The following ASPH variants were observed in gnomAD, a reference collection of about 807,000 sequenced individuals.
ASPH encodes the protein aspartate beta-hydroxylase.
In ASPH, 100 loss-of-function variants were observed where a neutral mutation model predicts 118.4. The observed-to-expected ratio is 0.84, with a 90% CI of 0.72 to 1.00. The LOEUF is 1.00. Ranked by LOEUF, ASPH falls within the 50% of genes least tolerant of loss-of-function variation. ASPH has a pLI of 0.00. For missense variants in ASPH, 920 were observed against 919.5 expected, an observed-to-expected ratio of 1.00 and a Z score of -0.01; for synonymous variants, 315 against 325.6, an observed-to-expected ratio of 0.97 and a Z score of 0.35.
chr8:61,702,224 C>T (rs1296445029), intron 1 of ASPH, among the ~76,000 whole-genome samples: 1 of 151,866 alleles, frequency 6.6e-6, no homozygotes, highest in East Asian at 1.9e-4. Context: ...ACACCTCACC[C>T]AGTGTTGGGG....
chr8:61,672,487 C>T (rs189940447), intron 3 of ASPH, among the ~76,000 whole-genome samples: 2 of 151,690 alleles, frequency 1.3e-5, no homozygotes, highest in East Asian at 1.9e-4. Flanking sequence ...AAAAATATGT[C>T]CAATAATTTT....
In ASPH at chr8:61,548,101, T is replaced by TG. The variant is rs773250033; in HGVS notation, c.1733dup (p.Glu580ArgfsTer21). On this transcript the variant is annotated frameshift_variant, in exon 21 of 25. Transcript: ENST00000379454. LOFTEE classifies it high-confidence loss of function. ...CTAACTCTGTGTAGCCCGTTTCTTT[T>TG]GGGGTCCACCAAGGCTGTGCTTTCA... 6.2e-7 allele frequency: 1 copy of TG among 1,613,950 alleles called. No individual in the cohort carries two copies. Among genetic ancestry groups the TG allele is most frequent in the Non-Finnish European group, 8.5e-7 (1 of 1,179,864 alleles).
At chr8:61,695,604 G>A (rs1050101724) in intron 1 of ASPH, among the ~76,000 whole-genome samples, 1 of 152,154 alleles carries the variant, frequency 6.6e-6, no homozygotes, top group Non-Finnish European at 1.5e-5. Context: ...TCTCACAGCA[G>A]TGTGCACCTC....
intron 3 of ASPH, among the ~76,000 whole-genome samples, chr8:61,673,647 GGAAAAGACTTATATTAT>G (rs1823749787): frequency 6.6e-6 from 1 of 152,070 alleles, no homozygotes; most frequent in East Asian, 1.9e-4. Flanking sequence ...ACATGAGGTA[GGAAAAGACTTATATTAT>G]GAAACAAAGT....
At chr8:61,526,256 G>T in intron 21 of ASPH, 144 bp from the exon 22 acceptor site, 3 of 1,161,854 alleles carry the variant, frequency 2.6e-6, no homozygotes, top group Non-Finnish European at 3.5e-6. Context: ...ATTTCCTCTG[G>T]GACTTCTTGT....
intron 24 of ASPH, among the ~76,000 whole-genome samples, chr8:61,513,941 T>G (rs966172854): frequency 2.6e-5 from 4 of 152,156 alleles, no homozygotes; most frequent in African/African-American, 9.7e-5. Flanking sequence ...GGGTGGGGAA[T>G]GCACCTACAA....
intron 18 of ASPH, among the ~76,000 whole-genome samples, chr8:61,561,146 GTTA>G (rs1829837078): frequency 5.1e-5 from 7 of 137,158 alleles, no homozygotes; most frequent in South Asian, 2.2e-4. Context: ...GAGGAAGGAA[GTTA>G]GGAATTCTAC....
chr8:61,552,943 AT>A (rs1243194489), intron 20 of ASPH, 87 bp downstream of exon 20: 9 of 1,148,826 alleles, frequency 7.8e-6, no homozygotes, highest in Non-Finnish European at 1.3e-6. Flanking sequence ...CACTCAAAAT[AT>A]TTTTTGAATT....
chr8:61,558,535 C>T (rs1441621688), intron 18 of ASPH, among the ~76,000 whole-genome samples: 1 of 152,126 alleles, frequency 6.6e-6, no homozygotes, highest in African/African-American at 2.4e-5. Context: ...ATCTGTCTCT[C>T]AAATAGTGTG....
chr8:61,501,858 G>T lies in ASPH; in HGVS notation c.*1501C>A, dbSNP rs1369161028. ...AGAGCTGTTCTTTAAATGAGATAAA[G>T]AAAGTCTCCTTTTGTTTTTAGATGG... On this transcript the variant is annotated 3_prime_UTR_variant, in exon 25 of 25. Transcript: ENST00000379454. 6.6e-6 allele frequency: 1 copy of T among 152,064 alleles called. No homozygotes were observed. The highest frequency in any genetic ancestry group is 1.5e-5 in the Non-Finnish European group (1 of 67,990). The allele number at this position is 152,064 out of a possible 1,614,324, so 9.4% of individuals were successfully genotyped here.
chr8:61,576,712 C>T, intron 16 of ASPH, 60 bp downstream of exon 16: 1 of 1,455,148 alleles, frequency 6.9e-7, no homozygotes, highest in Non-Finnish European at 9.4e-7. Context: ...GTAAAAAATT[C>T]AATCACACAA....
intron 15 of ASPH, chr8:61,583,547 AAAAAAAAAAAAAATTCTCAT>A: frequency 6.2e-6 from 1 of 160,376 alleles, no homozygotes; most frequent in South Asian, 1.8e-4. Context: ...TGTCCAAAAA[AAAAAAAAAAAAAATTCTCAT>A]TTGATCTTTA....
chr8:61,522,568 G>T (rs879445555), intron 22 of ASPH, among the ~76,000 whole-genome samples: 3 of 152,064 alleles, frequency 2.0e-5, no homozygotes, highest in Non-Finnish European at 4.4e-5. Context: ...TGAATCATGG[G>T]GGTGGTTTTC....
intron 3 of ASPH, among the ~76,000 whole-genome samples, chr8:61,667,089 A>G (rs566779280): frequency 5.9e-5 from 9 of 152,300 alleles, no homozygotes; most frequent in Non-Finnish European, 8.8e-5. Flanking sequence ...TAAAATATAA[A>G]TCACAAAACC....
intron 18 of ASPH, among the ~76,000 whole-genome samples, chr8:61,557,450 C>T (rs529981333): frequency 7.9e-5 from 12 of 152,240 alleles, no homozygotes; most frequent in South Asian, 4.2e-4. Flanking sequence ...CAGACTCTTC[C>T]GCCAGACATC....
Position 61,684,141 on chromosome 8 carries a change from C to T in ASPH, c.151G>A (p.Gly51Arg). The T allele has an allele frequency of 6.2e-7, 1 of 1,613,620 alleles. No individual in the cohort carries two copies. The highest frequency in any genetic ancestry group is 8.5e-7 in the Non-Finnish European group (1 of 1,179,686). The change falls in exon 2 of 25, where the codon GGA (glycine) becomes AGA (arginine). Residue 51 changes from glycine to arginine, a missense_variant. Gly to Arg is a moderately radical substitution (Grantham distance 125). Coordinates refer to ENST00000379454, the MANE Select transcript of ASPH (RefSeq NM_004318.4). ...HKNGRKGGLSGTSFFTWFMVI... is the reference protein window; with the variant it reads ...HKNGRKGGLSRTSFFTWFMVI... ...ATAAACCACGTGAAGAATGAAGTTC[C>T]TGAGAGTCCGCCTTTCCTCCCATTC...
intron 14 of ASPH, among the ~76,000 whole-genome samples, chr8:61,598,330 C>G (rs751824743): frequency 2.6e-5 from 4 of 151,958 alleles, no homozygotes; most frequent in Non-Finnish European, 5.9e-5. Context: ...CAGGCAAATA[C>G]AAACCAAAAG....
chr8:61,615,683 G>C (rs1848777590), intron 14 of ASPH, among the ~76,000 whole-genome samples: 1 of 152,166 alleles, frequency 6.6e-6, no homozygotes, highest in African/African-American at 2.4e-5. Flanking sequence ...GAATATGTGG[G>C]AAAAGATGAC....
At chr8:61,679,054 C>G (rs917103584) in intron 3 of ASPH, among the ~76,000 whole-genome samples, 2 of 152,064 alleles carry the variant, frequency 1.3e-5, no homozygotes, top group Non-Finnish European at 2.9e-5. Context: ...AAACTCAATT[C>G]AAGTTAAGGT....
Sources: allele counts gnomAD v4.1 joint callset (sites outside exome capture counted in the v4.1 genomes callset), GRCh38; gene constraint gnomAD v4.1.1; transcripts MANE v1.5; gene names NCBI Gene and HGNC (gene_info 2026-07-23, HGNC 2026-07-21).